Variants in ZFP92 observed in about 807,000 individuals in gnomAD.
ZFP92 encodes zinc finger protein 92 homolog.
In ZFP92, 2 loss-of-function variants were observed where a neutral mutation model predicts 7.6. That is an observed-to-expected ratio of 0.26 (90% confidence interval 0.11 to 0.83). The LOEUF is 0.83. Among genes scored for constraint, ZFP92 ranks in the 40% least tolerant of loss-of-function variants. The probability of loss-of-function intolerance (pLI) is 0.65; values close to 1 mark genes in which losing one functional copy is unlikely to be tolerated. For synonymous variants in ZFP92, 226 were observed against 183.6 expected (o/e 1.23, Z -1.87); for missense variants, 324 against 408.3 (o/e 0.79, Z 1.78).
chrX:153,416,892 G>GCAGAGAT (rs1485269350), intron 2 of ZFP92, among the ~76,000 whole-genome samples: 1 of 111,813 alleles, frequency 8.9e-6, no homozygotes, highest in African/African-American at 3.3e-5. Flanking sequence ...CACGGCATGT[G>GCAGAGAT]CAGAGATCAC....
chrX:153,413,878 G>A (rs2088929039), intron 2 of ZFP92, among the ~76,000 whole-genome samples: 1 of 112,553 alleles, frequency 8.9e-6, no homozygotes, highest in African/African-American at 3.2e-5. Context: ...TGCTCTGGGT[G>A]ACGGCTTGGT....
At chrX:153,418,894 T>C in intron 4 of ZFP92, 95 bp downstream of exon 4, 1 of 1,065,115 alleles carries the variant, frequency 9.4e-7, no homozygotes, top group Non-Finnish European at 1.2e-6. Context: ...TCGGTTGCTA[T>C]GAGCCCAAGA....
At position 153,424,200 on chromosome X, in the gene ZFP92, G is replaced by C. The variant is rs1556975992; in HGVS notation, c.*2572G>C. 1 of 112,014 alleles carries C rather than the reference G, an allele frequency of 8.9e-6. No individual in the cohort carries two copies. The highest frequency in any genetic ancestry group is 3.2e-5 in the African/African-American group (1 of 30,771). The allele number at this position is 112,014 out of a possible 1,213,427, so 9.2% of individuals were successfully genotyped here. A position where few individuals can be genotyped will look rare whatever the true frequency, so the allele number is the denominator to read the frequency against. Reference sequence around the variant, plus strand: ...AGCAGAAAGTGGAGTTGCCAGGAGAGATGCTGGGCACTTGCACTGTGACTT... The same window carrying C: ...AGCAGAAAGTGGAGTTGCCAGGAGACATGCTGGGCACTTGCACTGTGACTT... On this transcript the variant is annotated 3_prime_UTR_variant, in exon 6 of 6. Coordinates refer to ENST00000338647, the MANE Select transcript of ZFP92 (RefSeq NM_001136273.2).
rs2089022299 is a variant in ZFP92, at chrX:153,423,494, T to TC, written c.*1868dup. ...TGTAAGTTGCACTTATACCGTAGCC[T>TC]CCTTCAGTGTGTCCCTATTCCCCAT... On this transcript the variant is annotated 3_prime_UTR_variant, in exon 6 of 6. Transcript: ENST00000338647. 8.9e-6 allele frequency: 1 copy of TC among 111,975 alleles called. No homozygotes were observed. Among genetic ancestry groups the TC allele is most frequent in the Admixed American group, 9.4e-5 (1 of 10,637 alleles). 9.2% of individuals were successfully genotyped at this position (111,975 alleles called of 1,213,427 possible).
chrX:153,421,487 C>T lies in ZFP92; in HGVS notation c.1110C>T (p.His370=), dbSNP rs1556975191. 5.2e-6 allele frequency: 6 copies of T among 1,145,936 alleles called. No individual in the cohort carries two copies. The highest frequency in any genetic ancestry group is 5.3e-5 in the Admixed American group (2 of 37,848). 94.4% of individuals were successfully genotyped at this position (1,145,936 alleles called of 1,213,427 possible). A position where few individuals can be genotyped will look rare whatever the true frequency, so the allele number is the denominator to read the frequency against. ...RANLFKHQAV[H]GARRPAKAET... The stretch of plus-strand genomic sequence containing the variant: ...ACCTATTCAAGCACCAGGCAGTGCA[C>T]GGCGCCAGGCGCCCTGCGAAGGCGG... Residue 370 remains histidine (H), a synonymous_variant, in exon 6 of 6, where the codon CAC becomes CAT. Transcript: ENST00000338647.
chrX:153,418,900 C>T, intron 4 of ZFP92, 101 bp downstream of exon 4: 6 of 1,047,351 alleles, frequency 5.7e-6, no homozygotes, highest in Non-Finnish European at 7.6e-6. Context: ...GCTATGAGCC[C>T]AAGAATAAAT....
At chrX:153,418,919 C>G in intron 4 of ZFP92, 120 bp downstream of exon 4, 1 of 981,302 alleles carries the variant, frequency 1.0e-6, no homozygotes, top group Non-Finnish European at 1.4e-6. Context: ...ATGCATTTCT[C>G]CATCAGACCA....
At chrX:153,412,560 A>T (rs1174777326) in intron 2 of ZFP92, among the ~76,000 whole-genome samples, 1 of 112,437 alleles carries the variant, frequency 8.9e-6, no homozygotes, top group African/African-American at 3.2e-5. Context: ...AGAATAACTT[A>T]TTCTAGAATA....
chrX:153,419,023 G>A (rs894527516), intron 4 of ZFP92, among the ~76,000 whole-genome samples: 5 of 112,717 alleles, frequency 4.4e-5, no homozygotes, highest in African/African-American at 1.3e-4. Context: ...AGGTAAATGC[G>A]TTGGCCTGTA....
Position 153,421,491 on chromosome X carries a change from G to A in ZFP92, c.1114G>A (p.Ala372Thr), listed in dbSNP as rs1380528308. The change falls in exon 6 of 6, where the codon GCC becomes ACC. Residue 372 changes from alanine to threonine, a missense_variant. By Grantham distance (58) the Ala-to-Thr change is moderately conservative. Coordinates refer to ENST00000338647, the MANE Select transcript of ZFP92 (RefSeq NM_001136273.2). ...ATTCAAGCACCAGGCAGTGCACGGC[G>A]CCAGGCGCCCTGCGAAGGCGGAGAC... Reference protein sequence around the residue: ...NLFKHQAVHGARRPAKAETAR... With the variant: ...NLFKHQAVHGTRRPAKAETAR... 3.5e-6 allele frequency: 4 copies of A among 1,145,355 alleles called. No individual in the cohort carries two copies. The highest frequency in any genetic ancestry group is 4.6e-6 in the Non-Finnish European group (4 of 867,850). 94.4% of individuals were successfully genotyped at this position (1,145,355 alleles called of 1,213,427 possible).
intron 4 of ZFP92, among the ~76,000 whole-genome samples, chrX:153,419,509 C>T (rs187730625): frequency 1.6e-4 from 18 of 112,723 alleles, no homozygotes; most frequent in Admixed American, 1.4e-3. Flanking sequence ...GAGATGCATG[C>T]GTGAAACAGA....
chrX:153,415,634 C>G (rs2088945454), intron 2 of ZFP92, among the ~76,000 whole-genome samples: 1 of 111,555 alleles, frequency 9.0e-6, no homozygotes, highest in African/African-American at 3.3e-5. Context: ...ATTGCCGGGT[C>G]ATATGATAAC....
chrX:153,418,098 T>A (rs1236983431), intron 2 of ZFP92, among the ~76,000 whole-genome samples: 1 of 111,911 alleles, frequency 8.9e-6, no homozygotes, highest in Admixed American at 9.4e-5. Flanking sequence ...AAGGCCCCGA[T>A]TTGTAGTACT....
In ZFP92 at chrX:153,421,580, C is replaced by G; in HGVS notation, c.1203C>G (p.Pro401=). The G allele has an allele frequency of 9.5e-7, 1 of 1,047,572 alleles. No individual in the cohort carries two copies. Among genetic ancestry groups the G allele is most frequent in the South Asian group, 2.5e-5 (1 of 39,463 alleles). The allele number at this position is 1,047,572 out of a possible 1,213,427, so 86.3% of individuals were successfully genotyped here. ...GPGSAVAATS[P]PRPSTAARPS... is the part of the protein sequence containing the mutation. ...GGAGCGCGGTGGCGGCCACCAGCCC[C>G]CCGCGGCCGAGCACAGCCGCCAGGC... Residue 401 remains proline, a synonymous_variant, in exon 6 of 6, where the codon CCC becomes CCG. Transcript: ENST00000338647.
intron 2 of ZFP92, among the ~76,000 whole-genome samples, chrX:153,416,456 A>G (rs376808574): frequency 2.1e-4 from 23 of 111,865 alleles, no homozygotes; most frequent in African/African-American, 7.2e-4. Flanking sequence ...ATCATGGATG[A>G]TAAGGGACTT....
intron 3 of ZFP92, 24 bp downstream of exon 3, chrX:153,418,379 G>T (rs1270622338): frequency 8.6e-7 from 1 of 1,163,256 alleles, no homozygotes; most frequent in Non-Finnish European, 1.1e-6. Context: ...CCTCTCCCTG[G>T]CCTCTCCCCC....
intron 2 of ZFP92, among the ~76,000 whole-genome samples, chrX:153,414,001 C>CTCTG (rs2088930783): frequency 8.9e-6 from 1 of 112,586 alleles, no homozygotes; most frequent in Non-Finnish European, 1.9e-5. Context: ...CTCAACAGTG[C>CTCTG]TCTGCTCCCT....
intron 4 of ZFP92, 87 bp from the exon 5 acceptor site, chrX:153,420,141 C>A: frequency 1.4e-6 from 1 of 697,562 alleles, no homozygotes; most frequent in Non-Finnish European, 2.1e-6. Context: ...TTCTCTGTTA[C>A]CTGAAGATAT....
rs781806170 is a variant in ZFP92, at chrX:153,421,343, C to T, written c.966C>T (p.Cys322=). 1.3e-4 allele frequency: 152 copies of T among 1,163,804 alleles called. No individual in the cohort carries two copies. The East Asian group carries it at 4.5e-3, about 34-fold the overall frequency. The change falls in exon 6 of 6, where the codon TGC becomes TGT. Residue 322 remains cysteine (C), a synonymous_variant. Coordinates refer to ENST00000338647, the MANE Select transcript of ZFP92 (RefSeq NM_001136273.2). Reference sequence around the variant, plus strand: ...ACAGCGGCGAGCGGCCCTTCGCGTGCCGCGAGTGCGGCAAGGCCTTCCGTG... The same window carrying T: ...ACAGCGGCGAGCGGCCCTTCGCGTGTCGCGAGTGCGGCAAGGCCTTCCGTG... ...RSHSGERPFA[C]RECGKAFRGR... is the part of the protein sequence containing the mutation.
Sources: allele counts gnomAD v4.1 joint callset (sites outside exome capture counted in the v4.1 genomes callset), GRCh38; gene constraint gnomAD v4.1.1; transcripts MANE v1.5; gene names NCBI Gene and HGNC (gene_info 2026-07-23, HGNC 2026-07-21).